The following TGM1 variants were observed in gnomAD, a reference collection of about 807,000 sequenced individuals.
TGM1 encodes protein-glutamine gamma-glutamyltransferase K.
Under a neutral mutation model 88.7 loss-of-function variants are expected in TGM1, and 63 were observed. The ratio of observed to expected loss-of-function variants is 0.71; its 90% CI spans 0.58 to 0.88. The LOEUF (loss-of-function observed/expected upper bound fraction) is 0.88, where lower values mean the gene tolerates loss of function less well. TGM1 is among the 40% of genes least tolerant of loss of function. The probability of loss-of-function intolerance (pLI) is 0.00; values close to 1 mark genes in which losing one functional copy is unlikely to be tolerated. For missense variants in TGM1, 996 were observed against 1,118.0 expected, an observed-to-expected ratio of 0.89 and a Z score of 1.56; for synonymous variants, 415 against 431.1, an observed-to-expected ratio of 0.96 and a Z score of 0.46.
At position 24,260,524 on chromosome 14, in the gene TGM1, G is replaced by A; in HGVS notation, c.683C>T (p.Ser228Leu). 1 of 1,614,264 alleles carries A rather than the reference G, an allele frequency of 6.2e-7. No individual in the cohort carries two copies. Among genetic ancestry groups the A allele is most frequent in the Non-Finnish European group, 8.5e-7 (1 of 1,180,050 alleles). The change falls in exon 4 of 15, where the codon TCA becomes TTA. Residue 228 changes from serine to leucine, a missense_variant. Coordinates refer to ENST00000206765, the MANE Select transcript of TGM1 (RefSeq NM_000359.3). Reference protein sequence around the residue: ...GKFQFTVRTQSDAGEFQLPFD... With the variant: ...GKFQFTVRTQLDAGEFQLPFD... The stretch of plus-strand genomic sequence containing the variant: ...GGGCAACTGGAACTCCCCAGCGTCT[G>A]ATTGTGTGCGGACTGTGAACTGAAA...
Position 24,259,591 on chromosome 14 carries a change from C to T in TGM1, c.984+113G>A, listed in dbSNP as rs1005329128. 1.1e-5 allele frequency: 10 copies of T among 895,834 alleles called. No homozygotes were observed. In the African/African-American group the frequency reaches 1.3e-4, roughly 12 times the overall value. 55.5% of individuals were successfully genotyped at this position (895,834 alleles called of 1,614,324 possible). ...CTTCCTGAAGTATCCTTTACGAGGG[C>T]AGGGACAGGGCTGGGGGTTCTTGAG... On this transcript the variant is annotated intron_variant, in intron 6 of 14. Transcript: ENST00000206765. The surrounding 1 kb of genome is among the most constrained non-coding windows in gnomAD (Gnocchi z 5.7).
chr14:24,254,000 G>A, intron 14 of TGM1, 152 bp downstream of exon 14: 5 of 1,042,278 alleles, frequency 4.8e-6, no homozygotes, highest in Non-Finnish European at 7.2e-6. Context: ...ACTGAGCTGG[G>A]CCGGGAGGTA....
Position 24,259,807 on chromosome 14 carries a change from T to C in TGM1, c.881A>G (p.Asp294Gly), listed in dbSNP as rs2040791737. 3.7e-6 allele frequency: 6 copies of C among 1,612,902 alleles called. No homozygotes were observed. The highest frequency in any genetic ancestry group is 4.2e-6 in the Non-Finnish European group (5 of 1,179,832). ...GERTWNYGQF[D>G]HGVLDACLYI... ...TAAGCAGGCATCCAGCACCCCGTGG[T>C]CAAACTGGAAGGAGGGATGGAGGGC... The change falls in exon 6 of 15, where the codon GAC (aspartate) becomes GGC (glycine). Residue 294 changes from aspartate to glycine, a missense_variant. Physicochemically the swap from Asp to Gly is moderately conservative, Grantham distance 94. Coordinates refer to ENST00000206765, the MANE Select transcript of TGM1 (RefSeq NM_000359.3). The surrounding 1 kb of genome is among the most constrained non-coding windows in gnomAD (Gnocchi z 5.7).
At chr14:24,250,749 G>C (rs41293948) in intron 14 of TGM1, among the ~76,000 whole-genome samples, 1,534 of 152,258 alleles carry the variant, frequency 0.01, 25 homozygotes, top group African/African-American at 0.035. Flanking sequence ...CCAGCAATCT[G>C]CACGTTTCAT....
chr14:24,259,992 A>G lies in TGM1; in HGVS notation c.824T>C (p.Ile275Thr), dbSNP rs2040794342. 9.9e-6 allele frequency: 16 copies of G among 1,613,928 alleles called. No individual in the cohort carries two copies. The highest frequency in any genetic ancestry group is 1.3e-5 in the Non-Finnish European group (15 of 1,180,002). Residue 275 changes from isoleucine (I) to threonine (T), a missense_variant, in exon 5 of 15, where the codon ATT (isoleucine) becomes ACT (threonine). Transcript: ENST00000206765. This position sits in a 1 kb window ranked among gnomAD's most constrained non-coding sequence, Gnocchi z 5.7. Reference sequence around the variant, plus strand: ...AATCTGTGCTTCGGTCCCGTAGTAAATTCTCCCAGACTCATTAAGAACATA... The same window carrying G: ...AATCTGTGCTTCGGTCCCGTAGTAAGTTCTCCCAGACTCATTAAGAACATA... ...QEYVLNESGRIYYGTEAQIGE... is the reference protein window; with the variant it reads ...QEYVLNESGRTYYGTEAQIGE...
Position 24,262,121 on chromosome 14 carries a change from G to T in TGM1, c.232C>A (p.Arg78=). The T allele has an allele frequency of 6.2e-7, 1 of 1,613,600 alleles. No individual in the cohort carries two copies. Among genetic ancestry groups the T allele is most frequent in the Non-Finnish European group, 8.5e-7 (1 of 1,180,034 alleles). ...TCTGAGCCCCGGGAGCCAGGTCTTC[G>T]AGTGCCAGAGCTGGACCCTCGACCC... The part of the protein sequence containing the change: ...SRGRGSSSGT[R]RPGSRGSDSR... The change falls in exon 2 of 15, where the codon CGA becomes AGA. Residue 78 remains arginine, a synonymous_variant. Coordinates refer to ENST00000206765, the MANE Select transcript of TGM1 (RefSeq NM_000359.3).
At chr14:24,254,106 G>A in intron 14 of TGM1, 46 bp downstream of exon 14, 1 of 1,586,558 alleles carries the variant, frequency 6.3e-7, no homozygotes, top group South Asian at 1.1e-5. Context: ...CAGCCTGTGG[G>A]GAAGGCCAGA....
intron 14 of TGM1, among the ~76,000 whole-genome samples, chr14:24,250,679 C>T (rs150892522): frequency 5.9e-5 from 9 of 152,294 alleles, no homozygotes; most frequent in East Asian, 3.9e-4. Flanking sequence ...TCCTCAGTGA[C>T]GGCTCCCCTG....
At chr14:24,258,727 A>T in intron 7 of TGM1, 54 bp from the exon 8 acceptor site, 2 of 1,608,328 alleles carry the variant, frequency 1.2e-6, no homozygotes, top group Non-Finnish European at 1.7e-6. Context: ...CAAGTGAGGC[A>T]TCGTGTCAGG....
At chr14:24,252,895 T>A (rs1415975313) in intron 14 of TGM1, among the ~76,000 whole-genome samples, 1 of 152,204 alleles carries the variant, frequency 6.6e-6, no homozygotes, top group Non-Finnish European at 1.5e-5. Context: ...CCCTCCGTGC[T>A]TTTCCTAGGC....
At position 24,259,076 on chromosome 14, in the gene TGM1, TGTGGTGGTCACGCCA is replaced by T; in HGVS notation, c.1143_1157del (p.Gly382_Thr386del). 6.2e-7 allele frequency: 1 copy of T among 1,613,934 alleles called. No homozygotes were observed. Among genetic ancestry groups the T allele is most frequent in the South Asian group, 1.1e-5 (1 of 91,080 alleles). ...CTCCTGTCCCAGTCCCTCCACTACC[TGTGGTGGTCACGCCA>T]GCAAAGACCCAGCACTGGCCATAGG... On this transcript the variant is annotated inframe_deletion and splice_region_variant, in exon 7 of 15. Coordinates refer to ENST00000206765, the MANE Select transcript of TGM1 (RefSeq NM_000359.3). The surrounding 1 kb of genome is among the most constrained non-coding windows in gnomAD (Gnocchi z 5.7).
rs1045545110 is a variant in TGM1 at position 24,262,044 on chromosome 14, G to A, written c.309C>T (p.Gly103=). The A allele has an allele frequency of 1.2e-6, 2 of 1,613,458 alleles. No homozygotes were observed. Among genetic ancestry groups the A allele is most frequent in the African/African-American group, 1.3e-5 (1 of 74,918 alleles). ...ACAGACCGGCCTCACCTCGGATGGT[G>A]CCATCTCCAGCTGCATTGACACCGC... ...RGSGVNAAGD[G]TIREGMLVVN... The change falls in exon 2 of 15, where the codon GGC becomes GGT. Residue 103 remains glycine, a synonymous_variant. Coordinates refer to ENST00000206765, the MANE Select transcript of TGM1 (RefSeq NM_000359.3).
At position 24,259,760 on chromosome 14, in the gene TGM1, T is replaced by A; in HGVS notation, c.928A>T (p.Met310Leu). 14 of 1,610,586 alleles carry A rather than the reference T, an allele frequency of 8.7e-6. No homozygotes were observed. Among genetic ancestry groups the A allele is most frequent in the Non-Finnish European group, 1.2e-5 (14 of 1,178,760 alleles). ...ACLYILDRRG[M>L]PYGGRGDPVN... ...GGGTCTCCACGGCCTCCATATGGCA[T>A]CCCCCGCCGGTCCAGGATGTATAAG... is the stretch of plus-strand genomic sequence containing the variant. The change falls in exon 6 of 15, where the codon ATG becomes TTG. Residue 310 changes from methionine (M) to leucine (L), a missense_variant. Met to Leu is a conservative substitution (Grantham distance 15). Transcript: ENST00000206765. The surrounding 1 kb of genome is among the most constrained non-coding windows in gnomAD (Gnocchi z 5.7).
Position 24,255,103 on chromosome 14 carries a change from A to G in TGM1, c.1796T>C (p.Met599Thr). ...GCGGCTGCTGCTGTGATTGATCAGC[A>G]TCACAGAGACCATCAGATCCTGCCC... ...VMGQDLMVSV[M>T]LINHSSSRRT... is the part of the protein sequence containing the mutation. The change falls in exon 12 of 15, where the codon ATG becomes ACG. Residue 599 changes from methionine to threonine, a missense_variant. By Grantham distance (81) the Met-to-Thr change is moderately conservative. Transcript: ENST00000206765. This position sits in a 1 kb window ranked among gnomAD's most constrained non-coding sequence, Gnocchi z 4.0. The G allele has an allele frequency of 6.2e-7, 1 of 1,614,158 alleles. No homozygotes were observed. The highest frequency in any genetic ancestry group is 1.1e-5 in the South Asian group (1 of 91,088).
chr14:24,249,441 A>T lies in TGM1; in HGVS notation c.2326T>A (p.Ser776Thr). ...ACCTGGATGACACCGTGCACCTGGG[A>T]GAGCTGTGGGCTGTCCAAGCTGGCA... Reference protein sequence around the residue: ...LIASLDSPQLSQVHGVIQVDV... With the variant: ...LIASLDSPQLTQVHGVIQVDV... Residue 776 changes from serine (S) to threonine (T), a missense_variant, in exon 15 of 15, where the codon TCC (serine) becomes ACC (threonine). Transcript: ENST00000206765. 6.2e-7 allele frequency: 1 copy of T among 1,613,994 alleles called. No individual in the cohort carries two copies. Among genetic ancestry groups the T allele is most frequent in the Non-Finnish European group, 8.5e-7 (1 of 1,179,994 alleles).
chr14:24,258,268 T>TG lies in TGM1; in HGVS notation c.1402+16dup. The stretch of plus-strand genomic sequence containing the variant: ...AGATAAGCAGGGGCATGGTGGGGAG[T>TG]GGGGGGCCCAGCTTACCACTGCTAG... On this transcript the variant is annotated intron_variant, in intron 9 of 14. Coordinates refer to ENST00000206765, the MANE Select transcript of TGM1 (RefSeq NM_000359.3). The TG allele has an allele frequency of 6.3e-7, 1 of 1,594,152 alleles. No homozygotes were observed. Among genetic ancestry groups the TG allele is most frequent in the Non-Finnish European group, 8.6e-7 (1 of 1,164,996 alleles).
At chr14:24,257,807 G>GA (rs1232140420) in intron 9 of TGM1, among the ~76,000 whole-genome samples, 2 of 151,394 alleles carry the variant, frequency 1.3e-5, no homozygotes, top group Admixed American at 6.6e-5. Flanking sequence ...AAATATTTTT[G>GA]AAAAAAAACC....
At position 24,263,075 on chromosome 14, in the gene TGM1, TG is replaced by T. The variant is rs2040828266; in HGVS notation, c.-3+13del. 6.5e-6 allele frequency: 1 copy of T among 154,574 alleles called. No homozygotes were observed. The highest frequency in any genetic ancestry group is 1.4e-5 in the Non-Finnish European group (1 of 69,684). The allele number at this position is 154,574 out of a possible 1,614,324, so 9.6% of individuals were successfully genotyped here. A position where few individuals can be genotyped will look rare whatever the true frequency, so the allele number is the denominator to read the frequency against. On this transcript the variant is annotated intron_variant, in intron 1 of 14. Coordinates refer to ENST00000206765, the MANE Select transcript of TGM1 (RefSeq NM_000359.3). The stretch of plus-strand genomic sequence containing the variant: ...CCTGGACTCGGCACCACAGTACCCG[TG>T]GGAGCCCCTCACCTGGCAGCAGTGT...
At chr14:24,254,850 T>C (rs924418240) in intron 12 of TGM1, 26 bp from the exon 13 acceptor site, 1 of 1,613,420 alleles carries the variant, frequency 6.2e-7, no homozygotes, top group Non-Finnish European at 8.5e-7. Context: ...ATGGCGTCAC[T>C]GAGGCCTGCT....
Sources: allele counts gnomAD v4.1 joint callset (sites outside exome capture counted in the v4.1 genomes callset), GRCh38; gene constraint gnomAD v4.1.1; non-coding constraint Gnocchi (gnomAD v3.1); transcripts MANE v1.5; gene names NCBI Gene and HGNC (gene_info 2026-07-23, HGNC 2026-07-21).